Variants in LASP1 observed in about 807,000 individuals in gnomAD.
LASP1 encodes LIM and SH3 domain protein 1.
A neutral mutation model predicts 38.6 loss-of-function variants in LASP1; 10 were observed. That is an observed-to-expected ratio of 0.26 (90% confidence interval 0.16 to 0.44). The LOEUF (loss-of-function observed/expected upper bound fraction) is 0.44, where lower values mean the gene tolerates loss of function less well. Ranked by LOEUF, LASP1 falls within the 20% of genes least tolerant of loss-of-function variation. The probability of loss-of-function intolerance (pLI) is 1.00; values close to 1 mark genes in which losing one functional copy is unlikely to be tolerated. For missense variants in LASP1, 243 were observed against 375.7 expected (o/e 0.65, Z 2.92); for synonymous variants, 132 against 140.8 (o/e 0.94, Z 0.44).
chr17:38,886,883 C>T (rs918594283), intron 2 of LASP1, among the ~76,000 whole-genome samples: 2 of 152,178 alleles, frequency 1.3e-5, no homozygotes, highest in South Asian at 2.1e-4. Context: ...TCTTTGGGCA[C>T]TGGAGCTGGC....
chr17:38,908,458 C>A (rs554157733), intron 4 of LASP1, among the ~76,000 whole-genome samples: 9 of 152,334 alleles, frequency 5.9e-5, no homozygotes, highest in East Asian at 1.9e-4. Context: ...TCACCTTCTG[C>A]GCTGGGTCTG....
intron 4 of LASP1, among the ~76,000 whole-genome samples, chr17:38,902,702 T>G (rs1439604521): frequency 1.3e-5 from 2 of 152,044 alleles, no homozygotes; most frequent in Non-Finnish European, 2.9e-5. Flanking sequence ...ATTTTTAATT[T>G]TAGTTTTATT....
At chr17:38,893,572 G>A in intron 3 of LASP1, among the ~76,000 whole-genome samples, 1 of 152,126 alleles carries the variant, frequency 6.6e-6, no homozygotes, top group East Asian at 1.9e-4. Flanking sequence ...GATAGGCAGG[G>A]GAGGAAAGGG....
At chr17:38,899,747 CT>C (rs34397105) in intron 4 of LASP1, among the ~76,000 whole-genome samples, 116 of 136,090 alleles carry the variant, frequency 8.5e-4, no homozygotes, top group South Asian at 9.7e-4. Context: ...GCGTTCAGAT[CT>C]TTTTTTTTTT....
chr17:38,899,491 G>A (rs982292919), intron 4 of LASP1, among the ~76,000 whole-genome samples: 1 of 152,160 alleles, frequency 6.6e-6, no homozygotes, highest in Admixed American at 6.5e-5. Context: ...TCAGCAGGGC[G>A]CTCCTTTAAG....
chr17:38,870,818 C>T (rs1008774881), intron 1 of LASP1, among the ~76,000 whole-genome samples: 1 of 152,128 alleles, frequency 6.6e-6, no homozygotes, highest in Non-Finnish European at 1.5e-5. Context: ...GGGTAAGGAC[C>T]CGGGCTCTGC....
intron 2 of LASP1, among the ~76,000 whole-genome samples, chr17:38,888,652 A>G (rs1914215788): frequency 6.6e-6 from 1 of 152,254 alleles, no homozygotes. Context: ...ATCAATGAAC[A>G]AAAGAGACCC....
At chr17:38,882,971 G>A (rs917653353) in intron 2 of LASP1, among the ~76,000 whole-genome samples, 2 of 152,166 alleles carry the variant, frequency 1.3e-5, no homozygotes, top group Non-Finnish European at 2.9e-5. Flanking sequence ...TGATTCTGGG[G>A]AGCCAGGAAC....
chr17:38,918,763 C>T lies in LASP1; in HGVS notation c.771C>T (p.Tyr257=), dbSNP rs561203389. 27 of 1,613,898 alleles carry T rather than the reference C, an allele frequency of 1.7e-5. No individual in the cohort carries two copies. Among genetic ancestry groups the T allele is most frequent in the African/African-American group, 1.6e-4 (12 of 75,064 alleles). Residue 257 remains tyrosine, a synonymous_variant, in exon 7 of 7, where the codon TAC becomes TAT. Transcript: ENST00000318008. This position sits in a 1 kb window ranked among gnomAD's most constrained non-coding sequence, Gnocchi z 4.4. ...ACACGGGGATGCTGCCGGCCAACTA[C>T]GTGGAGGCCATCTGAACCCGCAGCG... ...TGDTGMLPAN[Y]VEAI
Position 38,920,893 on chromosome 17 carries a change from ACACAT to A in LASP1, c.*2117_*2121del, listed in dbSNP as rs1915281243. On this transcript the variant is annotated 3_prime_UTR_variant, in exon 7 of 7. Coordinates refer to ENST00000318008, the MANE Select transcript of LASP1 (RefSeq NM_006148.4). ...TGGATTTGGGGACCAAAGGTCAGGGACACATCCCCTTAGAGGACCTGAGTTTGGGA... is the reference window on the plus strand; with the variant it reads ...TGGATTTGGGGACCAAAGGTCAGGGACCCCTTAGAGGACCTGAGTTTGGGA... The A allele has an allele frequency of 4.3e-6, 1 of 232,490 alleles. No individual in the cohort carries two copies. The highest frequency in any genetic ancestry group is 8.5e-6 in the Non-Finnish European group (1 of 117,398). The allele number at this position is 232,490 out of a possible 1,614,324, so 14.4% of individuals were successfully genotyped here. A position where few individuals can be genotyped will look rare whatever the true frequency, so the allele number is the denominator to read the frequency against.
At chr17:38,899,408 A>AGCCT (rs998665619) in intron 4 of LASP1, among the ~76,000 whole-genome samples, 88 of 151,846 alleles carry the variant, frequency 5.8e-4, no homozygotes, top group African/African-American at 2.1e-3. Context: ...TTGCCGGGGG[A>AGCCT]GCCTGGCTTT....
At chr17:38,887,092 G>A (rs551428943) in intron 2 of LASP1, among the ~76,000 whole-genome samples, 7 of 152,252 alleles carry the variant, frequency 4.6e-5, no homozygotes, top group East Asian at 3.9e-4. Context: ...TTTGCAGACC[G>A]GGTCTGGAGG....
chr17:38,890,565 G>A (rs1332081002), intron 3 of LASP1, 61 bp downstream of exon 3: 2 of 1,502,982 alleles, frequency 1.3e-6, no homozygotes, highest in Non-Finnish European at 1.8e-6. Context: ...GAAGTTGTAA[G>A]GTCGGCATTT....
At chr17:38,902,917 G>A (rs1914684458) in intron 4 of LASP1, among the ~76,000 whole-genome samples, 1 of 152,034 alleles carries the variant, frequency 6.6e-6, no homozygotes, top group Admixed American at 6.5e-5. Context: ...TGGCTCGGCT[G>A]GTCTCGAACT....
intron 5 of LASP1, 100 bp downstream of exon 5, chr17:38,914,575 C>G: frequency 7.1e-7 from 1 of 1,398,748 alleles, no homozygotes; most frequent in South Asian, 1.4e-5. Flanking sequence ...CTTCCGGAGC[C>G]TTGCTCTTAA....
intron 4 of LASP1, among the ~76,000 whole-genome samples, chr17:38,914,002 G>GAA (rs34463489): frequency 2.8e-4 from 34 of 119,598 alleles, no homozygotes; most frequent in Non-Finnish European, 4.2e-4. Context: ...ACTCCGTCTC[G>GAA]AAAAAAAAAA....
rs539303988 is a variant in LASP1 at position 38,886,242 on chromosome 17, T to TAGTGAGCCGGGAGAGGGAAAGGCAG, written c.165-4174_165-4150dup. On this transcript the variant is annotated intron_variant, in intron 2 of 6. Coordinates refer to ENST00000318008, the MANE Select transcript of LASP1 (RefSeq NM_006148.4). ...GAGGTTGCCATGGAAACCTGAAGCG[T>TAGTGAGCCGGGAGAGGGAAAGGCAG]AGTGAGCCGGGAGAGGGAAAGGCAG... Among the ~76,000 whole-genome samples the TAGTGAGCCGGGAGAGGGAAAGGCAG allele has an allele frequency of 4.2e-3, 641 of 151,998 alleles. 8 individuals are homozygous for TAGTGAGCCGGGAGAGGGAAAGGCAG. The highest frequency in any genetic ancestry group is 0.012 in the African/African-American group (509 of 41,402).
At chr17:38,881,270 G>GT (rs1913942476) in intron 2 of LASP1, among the ~76,000 whole-genome samples, 1 of 151,702 alleles carries the variant, frequency 6.6e-6, no homozygotes, top group Non-Finnish European at 1.5e-5. Flanking sequence ...TTTTGCTTTG[G>GT]TTTTTTGGAG....
At chr17:38,913,078 T>C (rs2143823246) in intron 4 of LASP1, among the ~76,000 whole-genome samples, 1 of 152,194 alleles carries the variant, frequency 6.6e-6, no homozygotes, top group Non-Finnish European at 1.5e-5. Context: ...CTCCTGACCT[T>C]GATGGCTAAT....
Sources: gnomAD v4.1 joint callset for allele counts (sites outside exome capture counted in the v4.1 genomes callset) on GRCh38, gnomAD v4.1.1 for gene constraint, Gnocchi (gnomAD v3.1) non-coding constraint, MANE v1.5 for transcripts, NCBI Gene and HGNC (gene_info 2026-07-23, HGNC 2026-07-21) for gene names.